CC2D2A: variants seen among roughly 807,000 people sequenced by gnomAD.
CC2D2A encodes coiled-coil and C2 domain containing 2A.
A neutral mutation model predicts 212.9 loss-of-function variants in CC2D2A; 155 were observed. The ratio of observed to expected loss-of-function variants is 0.73; its 90% CI spans 0.64 to 0.83. CC2D2A has a LOEUF of 0.83. Ranked by LOEUF, CC2D2A falls within the 40% of genes least tolerant of loss-of-function variation. CC2D2A has a pLI of 0.00. For synonymous variants in CC2D2A, 667 were observed against 686.5 expected, an observed-to-expected ratio of 0.97 and a Z score of 0.44; for missense variants, 1,856 against 1,956.2, an observed-to-expected ratio of 0.95 and a Z score of 0.97.
chr4:15,521,562 A>C (rs1355780093), intron 11 of CC2D2A, among the ~76,000 whole-genome samples: 1 of 152,096 alleles, frequency 6.6e-6, no homozygotes, highest in African/African-American at 2.4e-5. Flanking sequence ...TTCTGGCATG[A>C]TGCAAGAGCA....
chr4:15,485,979 A>C (rs1714977611), intron 4 of CC2D2A, among the ~76,000 whole-genome samples: 1 of 152,074 alleles, frequency 6.6e-6, no homozygotes, highest in African/African-American at 2.4e-5. Context: ...GATTTTATAT[A>C]TTGAACTATC....
intron 30 of CC2D2A, 139 bp from the exon 31 acceptor site, chr4:15,586,018 A>G (rs1720842452): frequency 1.8e-6 from 1 of 548,734 alleles, no homozygotes; most frequent in Admixed American, 3.2e-5. Context: ...TGGAGATATT[A>G]ATACAATATT....
At position 15,515,909 on chromosome 4, in the gene CC2D2A, T is replaced by C. The variant is rs201465430; in HGVS notation, c.922T>C (p.Phe308Leu). ...GCTTCCTGAGAATGTACAGCCCAGGTTCCTGGAAGATGAAGGCCTTTACAC... is the reference window on the plus strand; with the variant it reads ...GCTTCCTGAGAATGTACAGCCCAGGCTCCTGGAAGATGAAGGCCTTTACAC... ...KKLPENVQPR[F>L]LEDEGLYTGV... Residue 308 changes from phenylalanine (F) to leucine (L), a missense_variant, in exon 10 of 37, where the codon TTC becomes CTC. Physicochemically the swap from Phe to Leu is conservative, Grantham distance 22. Coordinates refer to ENST00000424120, the MANE Select transcript of CC2D2A (RefSeq NM_001378615.1). 5.2e-4 allele frequency: 811 copies of C among 1,555,626 alleles called. 15 individuals carry two copies. The South Asian group carries it at 7.2e-3, about 14-fold the overall frequency.
chr4:15,577,318 A>G (rs1720458232), intron 29 of CC2D2A, among the ~76,000 whole-genome samples: 1 of 152,196 alleles, frequency 6.6e-6, no homozygotes, highest in African/African-American at 2.4e-5. Flanking sequence ...CAAAGGCAAC[A>G]TACACCCATT....
At chr4:15,485,214 A>C (rs1714929436) in intron 4 of CC2D2A, among the ~76,000 whole-genome samples, 1 of 152,244 alleles carries the variant, frequency 6.6e-6, no homozygotes, top group Non-Finnish European at 1.5e-5. Context: ...CCCACATATG[A>C]GTGAAAACAT....
chr4:15,567,668 G>C lies in CC2D2A; in HGVS notation c.3289-9G>C, dbSNP rs1719949752. On this transcript the variant is annotated splice_polypyrimidine_tract_variant and intron_variant, in intron 25 of 36. Transcript: ENST00000424120. Reference sequence around the variant, plus strand: ...CATTGGGAACTCAGAATTTGCTCTTGATTTTAAGGTTTTAGTACGTCCCTT... The same window carrying C: ...CATTGGGAACTCAGAATTTGCTCTTCATTTTAAGGTTTTAGTACGTCCCTT... 1.3e-6 allele frequency: 2 copies of C among 1,580,428 alleles called. No homozygotes were observed. Among genetic ancestry groups the C allele is most frequent in the East Asian group, 2.3e-5 (1 of 44,280 alleles).
At chr4:15,525,980 G>A (rs1247858975) in intron 11 of CC2D2A, among the ~76,000 whole-genome samples, 1 of 152,158 alleles carries the variant, frequency 6.6e-6, no homozygotes, top group Non-Finnish European at 1.5e-5. Flanking sequence ...ATCCTGATTT[G>A]AGCCTAAAAT....
Position 15,475,003 on chromosome 4 carries a change from C to T in CC2D2A, c.-18-912C>T, listed in dbSNP as rs1175449388. Among the ~76,000 whole-genome samples the T allele has an allele frequency of 4.6e-5, 7 of 152,128 alleles. 1 individual carries two copies. Among genetic ancestry groups the T allele is most frequent in the African/African-American group, 7.2e-5 (3 of 41,412 alleles). ...AGAGAGGGCTTTTTTTGGCCGGGCA[C>T]GGTGGCTCACGCCTGTAATCCCAGC... On this transcript the variant is annotated intron_variant, in intron 1 of 36. Coordinates refer to ENST00000424120, the MANE Select transcript of CC2D2A (RefSeq NM_001378615.1).
intron 14 of CC2D2A, among the ~76,000 whole-genome samples, chr4:15,535,090 C>T (rs1199687717): frequency 6.6e-6 from 1 of 151,990 alleles, no homozygotes; most frequent in African/African-American, 2.4e-5. Context: ...TATATTTGGT[C>T]CCTACAAGAG....
chr4:15,483,576 G>A (rs1430195790), intron 4 of CC2D2A, among the ~76,000 whole-genome samples: 1 of 152,148 alleles, frequency 6.6e-6, no homozygotes, highest in Non-Finnish European at 1.5e-5. Context: ...AGAATGTATG[G>A]ACATTTTTAC....
intron 12 of CC2D2A, 37 bp from the exon 13 acceptor site, chr4:15,528,583 G>C (rs1459814422): frequency 6.3e-7 from 1 of 1,583,680 alleles, no homozygotes. Context: ...AGGGAATAGA[G>C]TTTGTAACCC....
intron 33 of CC2D2A, 66 bp from the exon 34 acceptor site, chr4:15,596,019 C>T: frequency 8.1e-7 from 1 of 1,236,744 alleles, no homozygotes; most frequent in Non-Finnish European, 1.1e-6. Context: ...CACATACATC[C>T]ATGCACACAT....
chr4:15,532,667 G>C (rs547573291), intron 13 of CC2D2A, among the ~76,000 whole-genome samples: 5 of 152,110 alleles, frequency 3.3e-5, no homozygotes, highest in Non-Finnish European at 7.4e-5. Context: ...CTTAAAGTAA[G>C]GTATTAAATA....
Position 15,557,884 on chromosome 4 carries a change from G to T in CC2D2A, c.2829+377G>T, listed in dbSNP as rs79127210. 1.5e-3 allele frequency among the ~76,000 whole-genome samples: 234 copies of T among 152,310 alleles called. 2 individuals are homozygous for T. The highest frequency in any genetic ancestry group is 5.3e-3 in the African/African-American group (220 of 41,568). On this transcript the variant is annotated intron_variant, in intron 21 of 36. Coordinates refer to ENST00000424120, the MANE Select transcript of CC2D2A (RefSeq NM_001378615.1). ...ATTCAATTCCATTTTAATGCAGTAT[G>T]TACTAAGTGTCATGTACTCAGCACA... is the stretch of plus-strand genomic sequence containing the variant.
At chr4:15,535,654 G>T (rs1001988564) in intron 14 of CC2D2A, among the ~76,000 whole-genome samples, 5 of 152,042 alleles carry the variant, frequency 3.3e-5, no homozygotes, top group African/African-American at 4.8e-5. Context: ...TATAAATTTC[G>T]GGTACCACTG....
At chr4:15,529,696 TTTA>T (rs1244796197) in intron 13 of CC2D2A, among the ~76,000 whole-genome samples, 2 of 151,686 alleles carry the variant, frequency 1.3e-5, no homozygotes, top group African/African-American at 4.8e-5. Flanking sequence ...TATTCTATTT[TTTA>T]TTATTTAAAT....
At chr4:15,526,725 C>T (rs1474821107) in intron 11 of CC2D2A, among the ~76,000 whole-genome samples, 1 of 152,210 alleles carries the variant, frequency 6.6e-6, no homozygotes. Flanking sequence ...GATGTCTCCT[C>T]TCCACCCTTG....
At chr4:15,561,818 G>A (rs1719616673) in intron 23 of CC2D2A, among the ~76,000 whole-genome samples, 1 of 152,106 alleles carries the variant, frequency 6.6e-6, no homozygotes, top group Non-Finnish European at 1.5e-5. Context: ...AGGCCCCCTA[G>A]TTTGGGTTAG....
rs376644970 is a variant in CC2D2A, at chr4:15,540,840, G to C, written c.2007G>C (p.Ala669=). The C allele has an allele frequency of 1.3e-6, 2 of 1,596,882 alleles. No individual in the cohort carries two copies. Among genetic ancestry groups the C allele is most frequent in the South Asian group, 1.1e-5 (1 of 87,550 alleles). ...TGTGAATGGTCTCCTTTTGCAGAGC[G>C]GAGGTCTCGAGAAGGGAGGATGTAA... The part of the protein sequence containing the change: ...SVTPNDQCPR[A]EVSRREDVKK... The change falls in exon 17 of 37, where the codon GCG becomes GCC. Residue 669 remains alanine (A), a synonymous_variant. Transcript: ENST00000424120.
Sources: gnomAD v4.1 joint callset for allele counts (sites outside exome capture counted in the v4.1 genomes callset) on GRCh38, gnomAD v4.1.1 for gene constraint, MANE v1.5 for transcripts, NCBI Gene and HGNC (gene_info 2026-07-23, HGNC 2026-07-21) for gene names.